The following GPC6 variants were observed in gnomAD, a reference collection of about 807,000 sequenced individuals.
GPC6 encodes glypican 6.
In GPC6, 14 loss-of-function variants were observed where a neutral mutation model predicts 55.2. That is an observed-to-expected ratio of 0.25 (90% CI 0.17 to 0.40). GPC6 has a LOEUF of 0.40. Among genes scored for constraint, GPC6 ranks in the 10% least tolerant of loss-of-function variants. GPC6 has a pLI of 1.00. For missense variants in GPC6, 641 were observed against 708.5 expected (o/e 0.90, Z 1.08); for synonymous variants, 278 against 259.6 (o/e 1.07, Z -0.68).
chr13:93,738,303 AC>A (rs1884070538), intron 2 of GPC6, among the ~76,000 whole-genome samples: 1 of 152,118 alleles, frequency 6.6e-6, no homozygotes, highest in Non-Finnish European at 1.5e-5. Context: ...CTTTTGGCCT[AC>A]AGTAGACAGA....
chr13:93,960,970 G>T (rs901095748), intron 3 of GPC6, among the ~76,000 whole-genome samples: 1 of 151,800 alleles, frequency 6.6e-6, no homozygotes, highest in Non-Finnish European at 1.5e-5. Context: ...CCGCCACCAC[G>T]TCCGGCTAAT....
At chr13:93,509,968 T>C (rs1035681598) in intron 1 of GPC6, among the ~76,000 whole-genome samples, 7 of 152,332 alleles carry the variant, frequency 4.6e-5, no homozygotes, top group African/African-American at 1.7e-4. Flanking sequence ...GAATCATAAA[T>C]TGAATTTCTT....
chr13:93,224,272 G>A (rs1313777973), upstream of GPC6, among the ~76,000 whole-genome samples: 7 of 146,614 alleles, frequency 4.8e-5, no homozygotes, highest in Non-Finnish European at 7.4e-5. Flanking sequence ...TCGCCTCACC[G>A]CAACCTCTGC....
chr13:93,249,931 C>T (rs1876727122), intron 1 of GPC6, among the ~76,000 whole-genome samples: 1 of 152,164 alleles, frequency 6.6e-6, no homozygotes, highest in Non-Finnish European at 1.5e-5. Flanking sequence ...TAGTTTTCCG[C>T]AGGAGCTCCC....
intron 2 of GPC6, among the ~76,000 whole-genome samples, chr13:93,740,335 G>C (rs892253949): frequency 6.6e-6 from 1 of 152,174 alleles, no homozygotes; most frequent in Non-Finnish European, 1.5e-5. Context: ...TAAACATGTA[G>C]CTGGAACTAA....
chr13:93,482,069 G>T (rs1325375181), intron 1 of GPC6, among the ~76,000 whole-genome samples: 1 of 151,974 alleles, frequency 6.6e-6, no homozygotes, highest in Non-Finnish European at 1.5e-5. Flanking sequence ...ACTTATTTAG[G>T]TCTTTAATTT....
intron 1 of GPC6, among the ~76,000 whole-genome samples, chr13:93,542,261 C>T (rs1462073495): frequency 6.6e-6 from 1 of 152,166 alleles, no homozygotes; most frequent in Non-Finnish European, 1.5e-5. Context: ...GTTTTCCCAG[C>T]ACCATTTACT....
At chr13:93,742,161 G>T (rs748382744) in intron 2 of GPC6, among the ~76,000 whole-genome samples, 1 of 152,016 alleles carries the variant, frequency 6.6e-6, no homozygotes, top group Admixed American at 6.6e-5. Context: ...ATTTTTATTC[G>T]TGGAGATCTG....
chr13:94,268,032 A>T (rs186256681), intron 4 of GPC6, among the ~76,000 whole-genome samples: 2 of 152,378 alleles, frequency 1.3e-5, no homozygotes, highest in Admixed American at 1.3e-4. Context: ...CTAAACTGCA[A>T]CTTCAAACCT....
At chr13:94,163,592 T>C (rs1391121999) in intron 4 of GPC6, among the ~76,000 whole-genome samples, 1 of 152,186 alleles carries the variant, frequency 6.6e-6, no homozygotes, top group African/African-American at 2.4e-5. Context: ...GACTTGATAA[T>C]CTAGTTCAGA....
chr13:94,017,272 G>A (rs2138706820), intron 3 of GPC6, among the ~76,000 whole-genome samples: 1 of 152,202 alleles, frequency 6.6e-6, no homozygotes, highest in Non-Finnish European at 1.5e-5. Flanking sequence ...GATTCTTTGG[G>A]ATTTCCTATA....
chr13:93,232,116 A>G (rs1466290753), intron 1 of GPC6, among the ~76,000 whole-genome samples: 3 of 144,570 alleles, frequency 2.1e-5, no homozygotes, highest in Admixed American at 6.9e-5. Flanking sequence ...TTTTTTTTCC[A>G]GTTTCCATGG....
chr13:93,553,242 T>A (rs1249717536), intron 2 of GPC6, among the ~76,000 whole-genome samples: 1 of 145,648 alleles, frequency 6.9e-6, no homozygotes, highest in African/African-American at 2.6e-5. Context: ...GTGTAAGAGT[T>A]CCTTTTTTTT....
chr13:94,119,637 T>G (rs1376108558), intron 4 of GPC6, among the ~76,000 whole-genome samples: 1 of 152,084 alleles, frequency 6.6e-6, no homozygotes, highest in Admixed American at 6.6e-5. Context: ...CTGTGACCAG[T>G]GCCCCCTGGA....
chr13:93,997,888 G>A lies in GPC6; in HGVS notation c.712-29841G>A, dbSNP rs375030856. Among the ~76,000 whole-genome samples, 9 of 152,298 alleles carry A rather than the reference G, an allele frequency of 5.9e-5. No individual in the cohort carries two copies. In the South Asian group the frequency reaches 1.0e-3, roughly 18 times the overall value. ...GTAAGGGAAAATCAAGAGAATCAGCGTTGAGACATGGTTACAATGATGAGT... is the reference window on the plus strand; with the variant it reads ...GTAAGGGAAAATCAAGAGAATCAGCATTGAGACATGGTTACAATGATGAGT... On this transcript the variant is annotated intron_variant, in intron 3 of 8. Transcript: ENST00000377047.
intron 1 of GPC6, among the ~76,000 whole-genome samples, chr13:93,264,273 A>G (rs1327101808): frequency 1.3e-5 from 2 of 152,330 alleles, no homozygotes; most frequent in East Asian, 3.9e-4. Context: ...AAGTACAGAT[A>G]TCCCTCGGTA....
intron 1 of GPC6, among the ~76,000 whole-genome samples, chr13:93,345,661 A>G (rs936003013): frequency 1.3e-5 from 2 of 152,212 alleles, no homozygotes; most frequent in African/African-American, 2.4e-5. Context: ...TAAAACCCCA[A>G]TGAATGCATA....
intron 1 of GPC6, among the ~76,000 whole-genome samples, chr13:93,334,628 A>G (rs1287987106): frequency 1.3e-5 from 2 of 151,968 alleles, no homozygotes; most frequent in Non-Finnish European, 2.9e-5. Context: ...CAGCATGCCC[A>G]GCTAATTTTT....
In GPC6 at chr13:94,239,541, T is replaced by A. The variant is rs561170595; in HGVS notation, c.878-46808T>A. The stretch of plus-strand genomic sequence containing the variant: ...AAATAGAGGATTTTTAAAACTTTTT[T>A]AAAAAATTTCTCATTTTAGATACAT... On this transcript the variant is annotated intron_variant, in intron 4 of 8. Transcript: ENST00000377047. Among the ~76,000 whole-genome samples, 188 of 152,324 alleles carry A rather than the reference T, an allele frequency of 1.2e-3. 1 individual carries two copies. Among genetic ancestry groups the A allele is most frequent in the Middle Eastern group, 0.01 (3 of 294 alleles).
Sources: allele counts gnomAD v4.1 joint callset (sites outside exome capture counted in the v4.1 genomes callset), GRCh38; gene constraint gnomAD v4.1.1; transcripts MANE v1.5; gene names NCBI Gene and HGNC (gene_info 2026-07-23, HGNC 2026-07-21).